Variants in DENND2A observed in about 807,000 individuals in gnomAD.
The protein encoded by DENND2A is DENN domain containing 2A.
A neutral mutation model predicts 105.3 loss-of-function variants in DENND2A; 53 were observed. The ratio of observed to expected loss-of-function variants is 0.50; its 90% confidence interval spans 0.40 to 0.63. The LOEUF (loss-of-function observed/expected upper bound fraction) is 0.63, where lower values mean the gene tolerates loss of function less well. DENND2A is among the 30% of genes least tolerant of loss of function. The pLI is 0.00. For synonymous variants in DENND2A, 522 were observed against 508.4 expected, an observed-to-expected ratio of 1.03 and a Z score of -0.36; for missense variants, 1,138 against 1,279.6, an observed-to-expected ratio of 0.89 and a Z score of 1.69.
At chr7:140,588,800 T>G (rs80176273) in intron 3 of DENND2A, among the ~76,000 whole-genome samples, 11 of 148,470 alleles carry the variant, frequency 7.4e-5, no homozygotes, top group African/African-American at 2.5e-4. Context: ...TGGAGTGCAG[T>G]GGCATGATCT....
chr7:140,585,528 A>G (rs1218075286), intron 5 of DENND2A, 61 bp downstream of exon 5: 8 of 1,606,908 alleles, frequency 5.0e-6, no homozygotes, highest in Non-Finnish European at 5.9e-6. Flanking sequence ...GGAACTCCAG[A>G]GTGCTCAAGG....
intron 12 of DENND2A, among the ~76,000 whole-genome samples, chr7:140,547,292 T>A (rs1300443522): frequency 6.6e-6 from 1 of 152,198 alleles, no homozygotes; most frequent in Non-Finnish European, 1.5e-5. Context: ...TTGGGAGGAA[T>A]GAAAAAACTT....
Position 140,525,793 on chromosome 7 carries a change from C to T in DENND2A, c.2506-1G>A. The T allele has an allele frequency of 6.2e-7, 1 of 1,600,376 alleles. No individual in the cohort carries two copies. The highest frequency in any genetic ancestry group is 8.5e-7 in the Non-Finnish European group (1 of 1,173,078). On this transcript the variant is annotated splice_acceptor_variant, in intron 15 of 19. Transcript: ENST00000496613. LOFTEE classifies it high-confidence loss of function. ...TGTTGACGAGGTCAACCACAAGGAC[C>T]TATGAGATGAGACGAAAGGGACTGT...
intron 11 of DENND2A, among the ~76,000 whole-genome samples, chr7:140,557,529 ATATTTTTTT>A (rs1175467133): frequency 2.1e-4 from 7 of 32,922 alleles, no homozygotes; most frequent in African/African-American, 5.3e-4. Context: ...ATATATATAT[ATATTTTTTT>A]TTTTTTTTTT....
chr7:140,580,044 G>T (rs1798475366), intron 5 of DENND2A, among the ~76,000 whole-genome samples: 1 of 152,092 alleles, frequency 6.6e-6, no homozygotes, highest in Non-Finnish European at 1.5e-5. Flanking sequence ...TGAGACAGAG[G>T]TTGCAGTGAG....
chr7:140,616,910 T>C (rs1286827238), intron 1 of DENND2A, among the ~76,000 whole-genome samples: 1 of 152,152 alleles, frequency 6.6e-6, no homozygotes, highest in Non-Finnish European at 1.5e-5. Context: ...CAGGCTGGAG[T>C]GCAGTGGTAC....
At chr7:140,631,675 T>C (rs542211784) in intron 1 of DENND2A, among the ~76,000 whole-genome samples, 2 of 152,284 alleles carry the variant, frequency 1.3e-5, no homozygotes, top group African/African-American at 4.8e-5. Flanking sequence ...ATACAGATGA[T>C]GAAATGAACC....
chr7:140,522,007 G>GA lies in DENND2A; in HGVS notation c.2758dup (p.Ser920PhefsTer5). ...CAGGGTTCTCTCCTCACGCTCGCCCGACGTCAGGAACAAAGAGTAGTGTCC... is the reference window on the plus strand; with the variant it reads ...CAGGGTTCTCTCCTCACGCTCGCCCGAACGTCAGGAACAAAGAGTAGTGTCC... On this transcript the variant is annotated frameshift_variant, in exon 18 of 20. Coordinates refer to ENST00000496613, the MANE Select transcript of DENND2A (RefSeq NM_015689.5). LOFTEE classifies it high-confidence loss of function. 1 of 1,614,186 alleles carries GA rather than the reference G, an allele frequency of 6.2e-7. No individual in the cohort carries two copies. The highest frequency in any genetic ancestry group is 8.5e-7 in the Non-Finnish European group (1 of 1,180,038).
upstream of DENND2A, chr7:140,640,837 ACCCATCCCG>A (rs1248757627): frequency 2.0e-5 from 3 of 148,874 alleles, no homozygotes; most frequent in Non-Finnish European, 4.5e-5. The surrounding 1 kb of genome is among the most constrained non-coding windows in gnomAD (Gnocchi z 4.9). Flanking sequence ...CCTCCTCCCG[ACCCATCCCG>A]CCCGGCCCAG....
chr7:140,535,909 G>A (rs549838290), intron 14 of DENND2A, among the ~76,000 whole-genome samples: 8 of 152,206 alleles, frequency 5.3e-5, no homozygotes, highest in South Asian at 2.1e-4. Flanking sequence ...ATCTACAAAC[G>A]ATGAACCCAG....
At chr7:140,636,861 T>C (rs1394329676) in intron 1 of DENND2A, among the ~76,000 whole-genome samples, 2 of 151,974 alleles carry the variant, frequency 1.3e-5, no homozygotes, top group Admixed American at 6.6e-5. Flanking sequence ...GGTTAATTTC[T>C]TTTATTTATT....
At chr7:140,594,440 G>C (rs980855581) in intron 3 of DENND2A, among the ~76,000 whole-genome samples, 1 of 152,006 alleles carries the variant, frequency 6.6e-6, no homozygotes, top group African/African-American at 2.4e-5. Flanking sequence ...CAAACTGAAC[G>C]TCCACTCCCC....
chr7:140,608,675 T>TAA (rs11358052), intron 1 of DENND2A, among the ~76,000 whole-genome samples: 2 of 137,554 alleles, frequency 1.5e-5, no homozygotes, highest in African/African-American at 5.2e-5. Flanking sequence ...GACTCTGTCT[T>TAA]AAAAAAAAAA....
chr7:140,595,366 C>T (rs1323841066), intron 3 of DENND2A, among the ~76,000 whole-genome samples: 1 of 151,958 alleles, frequency 6.6e-6, no homozygotes, highest in Non-Finnish European at 1.5e-5. Context: ...TATAATTTAT[C>T]CCTACTTCAA....
At chr7:140,542,507 C>G (rs1368434697) in intron 14 of DENND2A, among the ~76,000 whole-genome samples, 1 of 152,010 alleles carries the variant, frequency 6.6e-6, no homozygotes, top group Non-Finnish European at 1.5e-5. Context: ...TCTCCCTCCC[C>G]CATCTTCCTC....
At chr7:140,606,017 C>T (rs1799674744) in intron 1 of DENND2A, among the ~76,000 whole-genome samples, 1 of 152,102 alleles carries the variant, frequency 6.6e-6, no homozygotes, top group Admixed American at 6.6e-5. Flanking sequence ...GAACTCATGC[C>T]AACCTCTTTG....
chr7:140,554,082 C>T (rs1172199839), intron 12 of DENND2A, among the ~76,000 whole-genome samples: 8 of 151,782 alleles, frequency 5.3e-5, no homozygotes, highest in Non-Finnish European at 1.2e-4. Flanking sequence ...AAAAATTAGC[C>T]GGGTGTGGTG....
Position 140,640,036 on chromosome 7 carries a change from C to T in DENND2A, c.-248+468G>A, listed in dbSNP as rs1801126594. ...TCTTGCTTTCCCAAGACTGCAAATG[C>T]TGACCGCTGTGAGGGGGGCCCGGCT... On this transcript the variant is annotated intron_variant, in intron 1 of 19. Transcript: ENST00000496613. This position sits in a 1 kb window ranked among gnomAD's most constrained non-coding sequence, Gnocchi z 4.9. 6.6e-6 allele frequency among the ~76,000 whole-genome samples: 1 copy of T among 152,260 alleles called. No individual in the cohort carries two copies. The highest frequency in any genetic ancestry group is 1.5e-5 in the Non-Finnish European group (1 of 68,046).
chr7:140,520,977 C>T (rs916376501), intron 18 of DENND2A, among the ~76,000 whole-genome samples: 5 of 151,398 alleles, frequency 3.3e-5, no homozygotes, highest in Admixed American at 6.6e-5. Context: ...TGGGTTCAAG[C>T]GATTCTCCTG....
Sources: gnomAD v4.1 joint callset for allele counts (sites outside exome capture counted in the v4.1 genomes callset) on GRCh38, gnomAD v4.1.1 for gene constraint, Gnocchi (gnomAD v3.1) non-coding constraint, MANE v1.5 for transcripts, NCBI Gene and HGNC (gene_info 2026-07-23, HGNC 2026-07-21) for gene names.